PTPRO: variants seen among roughly 807,000 people sequenced by gnomAD.
PTPRO encodes the protein receptor-type tyrosine-protein phosphatase O.
Under a neutral mutation model 145.2 loss-of-function variants are expected in PTPRO, and 62 were observed. The observed-to-expected ratio is 0.43, with a 90% CI of 0.35 to 0.53. PTPRO has a LOEUF of 0.53. Among genes scored for constraint, PTPRO ranks in the 20% least tolerant of loss-of-function variants. The pLI is 0.01. For missense variants in PTPRO, 1,345 were observed against 1,482.7 expected, an observed-to-expected ratio of 0.91 and a Z score of 1.53; for synonymous variants, 565 against 514.7, an observed-to-expected ratio of 1.10 and a Z score of -1.32.
At chr12:15,356,573 T>C (rs969622101) in intron 1 of PTPRO, among the ~76,000 whole-genome samples, 1 of 152,208 alleles carries the variant, frequency 6.6e-6, no homozygotes, top group Non-Finnish European at 1.5e-5. Context: ...ACTTCATTAT[T>C]TGGGACATTG....
chr12:15,375,057 A>T (rs139437514), intron 1 of PTPRO, among the ~76,000 whole-genome samples: 47 of 152,342 alleles, frequency 3.1e-4, no homozygotes, highest in Admixed American at 8.5e-4. Context: ...ATTCTAAAAA[A>T]TATCTGAGCA....
chr12:15,381,385 C>T (rs1476115804), intron 1 of PTPRO, among the ~76,000 whole-genome samples: 1 of 152,140 alleles, frequency 6.6e-6, no homozygotes, highest in African/African-American at 2.4e-5. Flanking sequence ...ATAATCCCGA[C>T]CAGAAGCGTA....
intron 1 of PTPRO, among the ~76,000 whole-genome samples, chr12:15,370,690 A>AT (rs1334097502): frequency 6.6e-6 from 1 of 152,202 alleles, no homozygotes; most frequent in African/African-American, 2.4e-5. Flanking sequence ...GAATATTTCA[A>AT]TAAAAAAACA....
chr12:15,525,227 A>T (rs536344798), intron 11 of PTPRO, among the ~76,000 whole-genome samples: 1 of 152,192 alleles, frequency 6.6e-6, no homozygotes, highest in Non-Finnish European at 1.5e-5. Flanking sequence ...TTTCTTCAGG[A>T]TGCCAAACAT....
chr12:15,552,928 T>G (rs936346013), intron 15 of PTPRO, among the ~76,000 whole-genome samples: 1 of 150,036 alleles, frequency 6.7e-6, no homozygotes, highest in Non-Finnish European at 1.5e-5. Context: ...GTCTCCTGAA[T>G]AGCTGGGATT....
intron 1 of PTPRO, among the ~76,000 whole-genome samples, chr12:15,462,626 T>C (rs1158488301): frequency 6.6e-6 from 1 of 152,208 alleles, no homozygotes; most frequent in African/African-American, 2.4e-5. Flanking sequence ...CTAAAAATAA[T>C]TGCTTGAATT....
chr12:15,595,210 C>G, intron 26 of PTPRO, 153 bp downstream of exon 26: 1 of 657,026 alleles, frequency 1.5e-6, no homozygotes, highest in Non-Finnish European at 2.8e-6. Context: ...TGGGTGGTCA[C>G]AGGGAGAAAC....
chr12:15,503,317 T>C lies in PTPRO; in HGVS notation c.1106-591T>C, dbSNP rs1942257739. On this transcript the variant is annotated intron_variant, in intron 5 of 26. Transcript: ENST00000281171. ...AAATGAAGTAATAAGCAGCAGAGGA[T>C]GGATGGACTGTGAAGCAATGTGAAA... is the stretch of plus-strand genomic sequence containing the variant. 2.0e-5 allele frequency among the ~76,000 whole-genome samples: 3 copies of C among 152,226 alleles called. No individual in the cohort carries two copies. In the South Asian group the frequency reaches 6.2e-4, roughly 32 times the overall value.
At chr12:15,513,128 GAAGGAAGGAAGGAAGA>G (rs1252250467) in intron 7 of PTPRO, among the ~76,000 whole-genome samples, 2 of 23,796 alleles carry the variant, frequency 8.4e-5, no homozygotes, top group South Asian at 1.6e-3. Flanking sequence ...AGGAAGGAAG[GAAGGAAGGAAGGAAGA>G]AAGAAAGAAA....
intron 1 of PTPRO, among the ~76,000 whole-genome samples, chr12:15,466,810 A>G (rs1302123896): frequency 6.6e-6 from 1 of 152,230 alleles, no homozygotes; most frequent in African/African-American, 2.4e-5. Flanking sequence ...ACTGCCCTGT[A>G]ACTCCTCATG....
At chr12:15,429,767 G>C (rs760866788) in intron 1 of PTPRO, among the ~76,000 whole-genome samples, 1 of 152,152 alleles carries the variant, frequency 6.6e-6, no homozygotes, top group Non-Finnish European at 1.5e-5. Context: ...GAAAACAACT[G>C]GATGAGTGTA....
chr12:15,447,578 A>T (rs2136371671), intron 1 of PTPRO, among the ~76,000 whole-genome samples: 1 of 152,300 alleles, frequency 6.6e-6, no homozygotes, highest in Admixed American at 6.5e-5. Context: ...TCCACAATGT[A>T]ATGAATTACT....
chr12:15,383,591 A>G (rs1042666051), intron 1 of PTPRO, among the ~76,000 whole-genome samples: 1 of 152,184 alleles, frequency 6.6e-6, no homozygotes, highest in South Asian at 2.1e-4. Context: ...GCCCAAGGTG[A>G]TTGGGTTACA....
chr12:15,343,979 C>T (rs906601999), intron 1 of PTPRO, among the ~76,000 whole-genome samples: 2 of 152,186 alleles, frequency 1.3e-5, no homozygotes, highest in Non-Finnish European at 2.9e-5. Context: ...CCACCGCGCC[C>T]GGCCATAAAT....
At chr12:15,442,098 T>G (rs938322647) in intron 1 of PTPRO, among the ~76,000 whole-genome samples, 1 of 152,094 alleles carries the variant, frequency 6.6e-6, no homozygotes, top group Non-Finnish European at 1.5e-5. Context: ...GCAAAAATGT[T>G]CAACAAAATG....
chr12:15,326,088 G>T (rs1049614109), intron 1 of PTPRO, among the ~76,000 whole-genome samples: 2 of 152,108 alleles, frequency 1.3e-5, no homozygotes, highest in African/African-American at 4.8e-5. Flanking sequence ...GTTTTCCACG[G>T]TCTGTCTGCC....
At chr12:15,373,989 A>C (rs191556826) in intron 1 of PTPRO, among the ~76,000 whole-genome samples, 4 of 152,306 alleles carry the variant, frequency 2.6e-5, no homozygotes, top group Admixed American at 2.6e-4. Flanking sequence ...AGACTCGGTC[A>C]CCTCAAAAAT....
chr12:15,522,489 A>C (rs571658793), intron 10 of PTPRO, among the ~76,000 whole-genome samples: 22 of 152,214 alleles, frequency 1.4e-4, no homozygotes, highest in African/African-American at 5.1e-4. Context: ...TATGCTTTCA[A>C]AAATAATCAT....
chr12:15,382,383 C>A (rs185769936), intron 1 of PTPRO, among the ~76,000 whole-genome samples: 2 of 152,318 alleles, frequency 1.3e-5, no homozygotes, highest in African/African-American at 2.4e-5. Context: ...AACTTCCCCA[C>A]ACTTCCAGGT....
Sources: gnomAD v4.1 joint callset for allele counts (sites outside exome capture counted in the v4.1 genomes callset) on GRCh38, gnomAD v4.1.1 for gene constraint, MANE v1.5 for transcripts, NCBI Gene and HGNC (gene_info 2026-07-23, HGNC 2026-07-21) for gene names.